The following GRIK2 variants were observed in gnomAD, a reference collection of about 807,000 sequenced individuals.
GRIK2 encodes glutamate receptor ionotropic, kainate 2.
A neutral mutation model predicts 100.3 loss-of-function variants in GRIK2; 32 were observed. That is an observed-to-expected ratio of 0.32 (90% CI 0.24 to 0.43). The LOEUF is 0.43. GRIK2 is among the 20% of genes least tolerant of loss of function. The pLI is 1.00. For missense variants in GRIK2, 843 were observed against 1,114.9 expected, an observed-to-expected ratio of 0.76 and a Z score of 3.47; for synonymous variants, 417 against 389.4, an observed-to-expected ratio of 1.07 and a Z score of -0.83.
intron 5 of GRIK2, 128 bp downstream of exon 5, chr6:101,676,932 A>G (rs2128340112): frequency 1.8e-6 from 1 of 563,978 alleles, no homozygotes; most frequent in East Asian, 3.4e-5. Flanking sequence ...TTTATGATAG[A>G]AAGTCTGACA....
At chr6:101,906,591 C>G (rs1788247406) in intron 12 of GRIK2, among the ~76,000 whole-genome samples, 1 of 151,492 alleles carries the variant, frequency 6.6e-6, no homozygotes, top group South Asian at 2.1e-4. Context: ...TCAATTAGTC[C>G]ACCTGAAGAT....
intron 14 of GRIK2, among the ~76,000 whole-genome samples, chr6:102,029,887 T>C (rs1260017393): frequency 6.6e-6 from 1 of 151,210 alleles, no homozygotes; most frequent in East Asian, 1.9e-4. Flanking sequence ...AGGCTGAGTC[T>C]CAATTCCTGC....
intron 11 of GRIK2, among the ~76,000 whole-genome samples, chr6:101,874,172 A>G (rs1261537875): frequency 2.0e-5 from 3 of 152,072 alleles, no homozygotes; most frequent in Non-Finnish European, 4.4e-5. Context: ...GTCCTTGCCT[A>G]TGCCTATGTC....
intron 14 of GRIK2, among the ~76,000 whole-genome samples, chr6:101,994,472 C>T (rs929605374): frequency 1.3e-5 from 2 of 151,698 alleles, no homozygotes. Flanking sequence ...TAGAAATGAA[C>T]TAGCATTTTA....
chr6:101,873,624 C>A (rs1272640419), intron 11 of GRIK2, among the ~76,000 whole-genome samples: 4 of 151,900 alleles, frequency 2.6e-5, no homozygotes, highest in Non-Finnish European at 4.4e-5. Flanking sequence ...AATGGGATGG[C>A]TGGGTCAAAT....
At chr6:101,984,743 GT>G (rs1262931979) in intron 14 of GRIK2, among the ~76,000 whole-genome samples, 1 of 151,028 alleles carries the variant, frequency 6.6e-6, no homozygotes, top group Non-Finnish European at 1.5e-5. Flanking sequence ...AGTTATGCAA[GT>G]AAAAATGGTC....
rs537028067 is a variant in GRIK2, at chr6:101,530,195, A to G, written c.116-91754A>G. ...GCTGGTGCATTAAAGAGAGCAAGAT[A>G]AGCAACAAAAGTTATAAAGTATGAA... On this transcript the variant is annotated intron_variant, in intron 2 of 16. Transcript: ENST00000369134. 1.2e-4 allele frequency among the ~76,000 whole-genome samples: 19 copies of G among 152,196 alleles called. No homozygotes were observed. The South Asian group carries it at 3.9e-3, about 31-fold the overall frequency.
intron 4 of GRIK2, among the ~76,000 whole-genome samples, chr6:101,646,460 A>T (rs1422184077): frequency 6.6e-6 from 1 of 151,970 alleles, no homozygotes; most frequent in Non-Finnish European, 1.5e-5. Context: ...ACCCTTAGTT[A>T]TGAAAATATG....
chr6:102,068,583 G>A lies in GRIK2; in HGVS notation c.*72G>A. ...ACAATTTAGCCAGAATGTTTCCTGT[G>A]GAAATATGCAACCTGTGCAAAATAA... On this transcript the variant is annotated 3_prime_UTR_variant, in exon 17 of 17. Transcript: ENST00000369134. The A allele has an allele frequency of 7.4e-7, 1 of 1,342,888 alleles. No homozygotes were observed. The highest frequency in any genetic ancestry group is 1.0e-6 in the Non-Finnish European group (1 of 957,256). 83.2% of individuals were successfully genotyped at this position (1,342,888 alleles called of 1,614,324 possible).
At chr6:101,965,006 G>C (rs1276173959) in intron 14 of GRIK2, among the ~76,000 whole-genome samples, 3 of 151,966 alleles carry the variant, frequency 2.0e-5, no homozygotes, top group Non-Finnish European at 4.4e-5. Context: ...TGGATAACCT[G>C]GTCTGCTAGG....
intron 10 of GRIK2, among the ~76,000 whole-genome samples, chr6:101,846,058 T>C (rs138085747): frequency 9.2e-5 from 14 of 152,186 alleles, no homozygotes; most frequent in South Asian, 2.1e-4. Context: ...TTCTGAATAG[T>C]AGAATATTAT....
At chr6:101,490,293 C>T (rs9390747) in intron 2 of GRIK2, among the ~76,000 whole-genome samples, 38,958 of 145,538 alleles carry the variant, frequency 0.27, 9,106 homozygotes, top group East Asian at 0.5. Context: ...ATACTAATAC[C>T]TCCAGTTTGC....
chr6:101,677,052 G>A (rs1007133141), intron 5 of GRIK2, among the ~76,000 whole-genome samples: 1 of 152,074 alleles, frequency 6.6e-6, no homozygotes, highest in African/African-American at 2.4e-5. Flanking sequence ...AATGCTGTTG[G>A]TTAATGAGAT....
intron 2 of GRIK2, among the ~76,000 whole-genome samples, chr6:101,510,846 A>T (rs943174844): frequency 6.6e-6 from 1 of 151,962 alleles, no homozygotes; most frequent in African/African-American, 2.4e-5. Flanking sequence ...AAACAAAAAA[A>T]TAGGGCTGCT....
chr6:101,783,257 A>G (rs1425666822), intron 7 of GRIK2, among the ~76,000 whole-genome samples: 1 of 152,042 alleles, frequency 6.6e-6, no homozygotes, highest in African/African-American at 2.4e-5. Flanking sequence ...TGTTCTCATG[A>G]TAGTGAGGGA....
intron 10 of GRIK2, among the ~76,000 whole-genome samples, chr6:101,833,394 C>T (rs914537235): frequency 6.8e-6 from 1 of 147,304 alleles, no homozygotes; most frequent in African/African-American, 2.5e-5. Context: ...CCATGCCCGG[C>T]TAATTTTTTT....
At chr6:101,396,447 T>C (rs1775013626) in intron 1 of GRIK2, among the ~76,000 whole-genome samples, 1 of 152,166 alleles carries the variant, frequency 6.6e-6, no homozygotes, top group Non-Finnish European at 1.5e-5. Flanking sequence ...TTTTTTGTAC[T>C]GACAATCAAG....
chr6:101,453,368 G>A (rs148441401), intron 2 of GRIK2, among the ~76,000 whole-genome samples: 4,443 of 151,900 alleles, frequency 0.029, 82 homozygotes, highest in South Asian at 0.059. Flanking sequence ...AAATGAGTTT[G>A]GAATTGCCAG....
chr6:101,682,462 T>G, intron 5 of GRIK2, 91 bp from the exon 6 acceptor site: 1 of 712,690 alleles, frequency 1.4e-6, no homozygotes, highest in Non-Finnish European at 2.5e-6. Flanking sequence ...TGATTCTTTA[T>G]CACATCCTAC....
Sources: allele counts gnomAD v4.1 joint callset (sites outside exome capture counted in the v4.1 genomes callset), GRCh38; gene constraint gnomAD v4.1.1; transcripts MANE v1.5; gene names NCBI Gene and HGNC (gene_info 2026-07-23, HGNC 2026-07-21).